Variants in PARL observed in about 807,000 individuals in gnomAD.
PARL encodes presenilin-associated rhomboid-like protein, mitochondrial.
A neutral mutation model predicts 51.6 loss-of-function variants in PARL; 44 were observed. The ratio of observed to expected loss-of-function variants is 0.85; its 90% CI spans 0.67 to 1.10. The LOEUF (loss-of-function observed/expected upper bound fraction) is 1.10, where lower values mean the gene tolerates loss of function less well. PARL is among the 50% of genes least tolerant of loss of function. The probability of loss-of-function intolerance (pLI) is 0.00; values close to 1 mark genes in which losing one functional copy is unlikely to be tolerated. For missense variants in PARL, 441 were observed against 469.5 expected (o/e 0.94, Z 0.56); for synonymous variants, 172 against 164.0 (o/e 1.05, Z -0.37).
downstream of PARL, among the ~76,000 whole-genome samples, chr3:183,828,537 C>G (rs538965733): frequency 6.6e-6 from 1 of 152,192 alleles, no homozygotes; most frequent in East Asian, 1.9e-4. Context: ...ATAGTAGAAA[C>G]AAGTCCAGCC....
At chr3:183,852,173 G>A (rs1231909258) in intron 4 of PARL, among the ~76,000 whole-genome samples, 2 of 152,208 alleles carry the variant, frequency 1.3e-5, no homozygotes, top group Non-Finnish European at 2.9e-5. Flanking sequence ...ATTAAAAACA[G>A]TATTGCCAAG....
chr3:183,862,607 A>G lies in PARL; in HGVS notation c.511+146T>C, dbSNP rs2108664941. 7 of 687,440 alleles carry G rather than the reference A, an allele frequency of 1.0e-5. No individual in the cohort carries two copies. The East Asian group carries it at 1.9e-4, about 19-fold the overall frequency. The allele number at this position is 687,440 out of a possible 1,614,324, so 42.6% of individuals were successfully genotyped here. A position where few individuals can be genotyped will look rare whatever the true frequency, so the allele number is the denominator to read the frequency against. ...AAACCTTTATACCTCACCACTTTAT[A>G]TACTATTACATTAGCCTATCAGTAC... On this transcript the variant is annotated intron_variant, in intron 4 of 9. Transcript: ENST00000317096.
At chr3:183,829,992 C>CGCATT (rs1727740917) in intron 9 of PARL, among the ~76,000 whole-genome samples, 1 of 152,166 alleles carries the variant, frequency 6.6e-6, no homozygotes, top group Non-Finnish European at 1.5e-5. Flanking sequence ...GTTTTCCCAT[C>CGCATT]GCAGACATGA....
At chr3:183,853,989 A>T (rs747201160) in intron 4 of PARL, among the ~76,000 whole-genome samples, 4 of 152,208 alleles carry the variant, frequency 2.6e-5, no homozygotes, top group Non-Finnish European at 5.9e-5. Flanking sequence ...CTGTAATCCC[A>T]GCACTTTGGG....
At chr3:183,870,294 A>C (rs1328602620) in intron 1 of PARL, among the ~76,000 whole-genome samples, 8 of 138,126 alleles carry the variant, frequency 5.8e-5, no homozygotes, top group Non-Finnish European at 9.4e-5. Context: ...AAAAAAATCT[A>C]GAAGTCATTT....
downstream of PARL, among the ~76,000 whole-genome samples, chr3:183,827,263 G>A (rs1453491464): frequency 1.3e-5 from 2 of 152,104 alleles, no homozygotes; most frequent in East Asian, 1.9e-4. Flanking sequence ...AACTGCCTGG[G>A]CAACACAGTG....
Position 183,882,257 on chromosome 3 carries a change from A to T in PARL, c.125+2465T>A, listed in dbSNP as rs868804962. Among the ~76,000 whole-genome samples the T allele has an allele frequency of 7.1e-5, 4 of 56,150 alleles. No homozygotes were observed. In the East Asian group the frequency reaches 1.4e-3, roughly 19 times the overall value. 36.8% of individuals were successfully genotyped at this position (56,150 alleles called of 152,430 possible). A position where few individuals can be genotyped will look rare whatever the true frequency, so the allele number is the denominator to read the frequency against. The stretch of plus-strand genomic sequence containing the variant: ...TATATATATATATTTATATATATAT[A>T]TATATATATATTTATATATATATAT... On this transcript the variant is annotated intron_variant, in intron 1 of 9. Coordinates refer to ENST00000317096, the MANE Select transcript of PARL (RefSeq NM_018622.7).
chr3:183,857,235 G>A (rs2108650872), intron 4 of PARL, among the ~76,000 whole-genome samples: 1 of 152,218 alleles, frequency 6.6e-6, no homozygotes, highest in South Asian at 2.1e-4. Context: ...AGTGACAAGT[G>A]AGACGCTGTC....
At chr3:183,882,264 TA>T (rs1301523281) in intron 1 of PARL, among the ~76,000 whole-genome samples, 7 of 35,372 alleles carry the variant, frequency 2.0e-4, no homozygotes, top group East Asian at 1.3e-3. Flanking sequence ...TATATATATA[TA>T]TATTTATATA....
In PARL at chr3:183,836,861, T is replaced by C. The variant is rs111304497; in HGVS notation, c.829-3036A>G. Among the ~76,000 whole-genome samples the C allele has an allele frequency of 8.0e-3, 1,212 of 152,248 alleles. 19 individuals carry two copies. The highest frequency in any genetic ancestry group is 0.028 in the African/African-American group (1,161 of 41,542). ...TCAAGTTAATTCTCACACCTCAGCC[T>C]GCCAAGTAGCTGGGACTAACAGGTA... On this transcript the variant is annotated intron_variant, in intron 7 of 9. Coordinates refer to ENST00000317096, the MANE Select transcript of PARL (RefSeq NM_018622.7).
chr3:183,877,106 C>T (rs2108710490), intron 1 of PARL, among the ~76,000 whole-genome samples: 1 of 152,236 alleles, frequency 6.6e-6, no homozygotes, highest in African/African-American at 2.4e-5. Context: ...CCCAGCTACT[C>T]AGGAGGCTGA....
chr3:183,846,507 G>A (rs984672628), intron 4 of PARL: 23 of 983,880 alleles, frequency 2.3e-5, no homozygotes, highest in Admixed American at 1.9e-4. Context: ...AAAAAAAAGC[G>A]GGGGGAAAGA....
intron 2 of PARL, 139 bp downstream of exon 2, chr3:183,867,725 CT>C: frequency 1.4e-6 from 1 of 695,568 alleles, no homozygotes; most frequent in Non-Finnish European, 2.5e-6. Context: ...AATTCAGACT[CT>C]ATAATTAGAA....
chr3:183,829,201 G>T, downstream of PARL: 1 of 276,592 alleles, frequency 3.6e-6, no homozygotes, highest in Non-Finnish European at 7.0e-6. Context: ...AGCCAACCCA[G>T]GGGAGGGGGA....
chr3:183,835,957 C>A (rs1007755260), intron 7 of PARL, among the ~76,000 whole-genome samples: 1 of 151,992 alleles, frequency 6.6e-6, no homozygotes, highest in African/African-American at 2.4e-5. Flanking sequence ...GTCGCTTACA[C>A]CTGTAATCCC....
At chr3:183,839,421 C>T (rs1729027756) in intron 7 of PARL, among the ~76,000 whole-genome samples, 1 of 152,062 alleles carries the variant, frequency 6.6e-6, no homozygotes, top group African/African-American at 2.4e-5. Context: ...TTCTTTGAGA[C>T]AGGGTCTTGT....
At chr3:183,845,111 C>T (rs1729795344) in intron 4 of PARL, among the ~76,000 whole-genome samples, 1 of 152,172 alleles carries the variant, frequency 6.6e-6, no homozygotes, top group Non-Finnish European at 1.5e-5. Flanking sequence ...TTTGTCATTC[C>T]TCCAGTCTCT....
At chr3:183,851,300 A>G (rs1283236218) in intron 4 of PARL, among the ~76,000 whole-genome samples, 1 of 152,250 alleles carries the variant, frequency 6.6e-6, no homozygotes, top group Non-Finnish European at 1.5e-5. Context: ...AAAAATAGAT[A>G]AAATGAACTT....
intron 7 of PARL, among the ~76,000 whole-genome samples, chr3:183,835,988 C>T (rs763254142): frequency 7.9e-5 from 12 of 151,998 alleles, no homozygotes; most frequent in Non-Finnish European, 1.3e-4. Context: ...GAGGCTGAGG[C>T]GGGCAGATCA....
Sources: allele counts gnomAD v4.1 joint callset (sites outside exome capture counted in the v4.1 genomes callset), GRCh38; gene constraint gnomAD v4.1.1; transcripts MANE v1.5; gene names NCBI Gene and HGNC (gene_info 2026-07-23, HGNC 2026-07-21).